Variants in ATAD5 observed in about 807,000 individuals in gnomAD.
The protein encoded by ATAD5 is ATPase family AAA domain containing 5.
Under a neutral mutation model 176.9 loss-of-function variants are expected in ATAD5, and 58 were observed. The observed-to-expected ratio is 0.33, with a 90% CI of 0.27 to 0.41. ATAD5 has a LOEUF of 0.41. Ranked by LOEUF, ATAD5 falls within the 10% of genes least tolerant of loss-of-function variation. The probability of loss-of-function intolerance (pLI) is 1.00; values close to 1 mark genes in which losing one functional copy is unlikely to be tolerated. For missense variants in ATAD5, 1,789 were observed against 2,094.1 expected (o/e 0.85, Z 2.84); for synonymous variants, 640 against 712.6 (o/e 0.90, Z 1.62).
At chr17:30,883,416 AG>A (rs1329086662) in intron 18 of ATAD5, among the ~76,000 whole-genome samples, 1 of 151,146 alleles carries the variant, frequency 6.6e-6, no homozygotes, top group Non-Finnish European at 1.5e-5. Context: ...CGTGAGCCAC[AG>A]TGCCTGGCTA....
intron 18 of ATAD5, among the ~76,000 whole-genome samples, chr17:30,880,298 A>G (rs968356650): frequency 6.6e-6 from 1 of 150,608 alleles, no homozygotes; most frequent in Non-Finnish European, 1.5e-5. Context: ...TGACAGAGCA[A>G]GATTCTGTCT....
chr17:30,881,590 A>C (rs1017951192), intron 18 of ATAD5, among the ~76,000 whole-genome samples: 3 of 152,010 alleles, frequency 2.0e-5, no homozygotes, highest in African/African-American at 7.2e-5. Flanking sequence ...GGCGTGAGCC[A>C]CCGCGCCCGA....
chr17:30,832,675 A>G (rs1905454835), intron 1 of ATAD5, among the ~76,000 whole-genome samples: 1 of 152,202 alleles, frequency 6.6e-6, no homozygotes. Context: ...CAGTTCCCAG[A>G]TCCCGAAATG....
At chr17:30,855,113 C>G in intron 6 of ATAD5, 30 bp from the exon 7 acceptor site, 1 of 1,538,186 alleles carries the variant, frequency 6.5e-7, no homozygotes, top group Non-Finnish European at 8.8e-7. Context: ...ATAACCTTAG[C>G]TTTTCTTTTT....
At chr17:30,879,808 C>T (rs1049918628) in intron 18 of ATAD5, among the ~76,000 whole-genome samples, 3 of 151,888 alleles carry the variant, frequency 2.0e-5, no homozygotes, top group Non-Finnish European at 2.9e-5. Flanking sequence ...GTGATCTGCC[C>T]GCCTCGGCCT....
At chr17:30,885,619 C>G (rs1028538577) in intron 18 of ATAD5, among the ~76,000 whole-genome samples, 2 of 110,478 alleles carry the variant, frequency 1.8e-5, no homozygotes, top group Non-Finnish European at 3.8e-5. Flanking sequence ...TTTATTCCAA[C>G]TTTCTTTTTT....
Position 30,835,475 on chromosome 17 carries a change from CTGA to C in ATAD5, c.1396_1398del (p.Asp466del). ...AAAAATGGCAATTTACAGTTACACACTGATAAAGGAAGTTTTCTGAAGGAGAAA... is the reference window on the plus strand; with the variant it reads ...AAAAATGGCAATTTACAGTTACACACTAAAGGAAGTTTTCTGAAGGAGAAA... On this transcript the variant is annotated inframe_deletion, in exon 2 of 23. Transcript: ENST00000321990. 1 of 1,608,744 alleles carries C rather than the reference CTGA, an allele frequency of 6.2e-7. No individual in the cohort carries two copies. Among genetic ancestry groups the C allele is most frequent in the Middle Eastern group, 1.7e-4 (1 of 6,054 alleles).
intron 6 of ATAD5, 28 bp downstream of exon 6, chr17:30,844,944 C>CAA: frequency 6.6e-7 from 1 of 1,508,392 alleles, no homozygotes; most frequent in Non-Finnish European, 9.0e-7. Context: ...TTTTAAATGC[C>CAA]AAAATATTTT....
At chr17:30,844,700 A>T in intron 5 of ATAD5, 135 bp from the exon 6 acceptor site, 1 of 659,650 alleles carries the variant, frequency 1.5e-6, no homozygotes, top group South Asian at 2.0e-5. Flanking sequence ...GTGAGCCAAG[A>T]TCGTGGCACT....
intron 2 of ATAD5, 132 bp downstream of exon 2, chr17:30,836,180 C>CA: frequency 6.1e-6 from 4 of 654,742 alleles, no homozygotes; most frequent in Non-Finnish European, 8.8e-6. Context: ...AACAGGATTT[C>CA]TTTTTTTTTT....
chr17:30,849,413 A>G (rs1906733558), intron 6 of ATAD5, among the ~76,000 whole-genome samples: 1 of 152,190 alleles, frequency 6.6e-6, no homozygotes. Flanking sequence ...ATTTGAAGCT[A>G]TTGGGAATAA....
chr17:30,874,410 G>A (rs1176807855), intron 14 of ATAD5, among the ~76,000 whole-genome samples: 5 of 148,284 alleles, frequency 3.4e-5, no homozygotes, highest in African/African-American at 9.9e-5. Flanking sequence ...GCATGGTGGC[G>A]TGTGCTTGTA....
chr17:30,843,148 T>TC (rs1208939962), intron 4 of ATAD5, among the ~76,000 whole-genome samples: 1 of 151,446 alleles, frequency 6.6e-6, no homozygotes, highest in Non-Finnish European at 1.5e-5. Flanking sequence ...GCCCAGGAGT[T>TC]CGAGACCAGC....
intron 1 of ATAD5, among the ~76,000 whole-genome samples, chr17:30,833,025 A>C (rs1408531529): frequency 6.6e-6 from 1 of 152,220 alleles, no homozygotes; most frequent in Non-Finnish European, 1.5e-5. Flanking sequence ...ATCTTAAGGT[A>C]GACTTGTTAT....
chr17:30,874,036 A>C (rs185315576), intron 14 of ATAD5, among the ~76,000 whole-genome samples: 156 of 152,108 alleles, frequency 1.0e-3, no homozygotes, highest in African/African-American at 3.7e-3. Context: ...GTGGTGGTGC[A>C]CACCTGTAAT....
At chr17:30,844,086 G>T in intron 5 of ATAD5, 47 bp downstream of exon 5, 2 of 1,366,760 alleles carry the variant, frequency 1.5e-6, no homozygotes, top group Non-Finnish European at 1.9e-6. Context: ...AATGTTTTGG[G>T]GTTTTTGTTT....
chr17:30,884,766 G>C (rs1234213846), intron 18 of ATAD5, among the ~76,000 whole-genome samples: 1 of 81,238 alleles, frequency 1.2e-5, no homozygotes. Flanking sequence ...TTTTTTTTTT[G>C]AGACAGAGTC....
chr17:30,832,533 C>A, intron 1 of ATAD5, 120 bp downstream of exon 1: 1 of 1,019,408 alleles, frequency 9.8e-7, no homozygotes, highest in Non-Finnish European at 1.3e-6. Context: ...TTGTGAGGAC[C>A]CACAGCTGTG....
intron 4 of ATAD5, 102 bp from the exon 5 acceptor site, chr17:30,843,811 C>A: frequency 1.5e-6 from 1 of 654,504 alleles, no homozygotes; most frequent in Non-Finnish European, 2.3e-6. Flanking sequence ...TATGGAGCTG[C>A]TAATTATGTT....
Sources: gnomAD v4.1 joint callset for allele counts (sites outside exome capture counted in the v4.1 genomes callset) on GRCh38, gnomAD v4.1.1 for gene constraint, MANE v1.5 for transcripts, NCBI Gene and HGNC (gene_info 2026-07-23, HGNC 2026-07-21) for gene names.